The following LIFR variants were observed in gnomAD, a reference collection of about 807,000 sequenced individuals.
LIFR encodes the protein leukemia inhibitory factor receptor.
A neutral mutation model predicts 122.2 loss-of-function variants in LIFR; 84 were observed. The ratio of observed to expected loss-of-function variants is 0.69; its 90% CI spans 0.58 to 0.82. The LOEUF (loss-of-function observed/expected upper bound fraction) is 0.82. Ranked by LOEUF, LIFR falls within the 40% of genes least tolerant of loss-of-function variation. The pLI, the probability that LIFR is intolerant of heterozygous loss-of-function variation, is 0.00. For synonymous variants in LIFR, 422 were observed against 434.7 expected, an observed-to-expected ratio of 0.97 and a Z score of 0.36; for missense variants, 1,294 against 1,311.6, an observed-to-expected ratio of 0.99 and a Z score of 0.21.
intron 1 of LIFR, among the ~76,000 whole-genome samples, chr5:38,590,389 C>T (rs2112761535): frequency 6.6e-6 from 1 of 152,230 alleles, no homozygotes; most frequent in African/African-American, 2.4e-5. Flanking sequence ...TCCTTGGACC[C>T]TAGAGACCCG....
chr5:38,506,854 C>T (rs1745514590), intron 7 of LIFR, among the ~76,000 whole-genome samples: 1 of 152,122 alleles, frequency 6.6e-6, no homozygotes, highest in East Asian at 1.9e-4. Context: ...AAAAATGACT[C>T]TTAGCTCATC....
chr5:38,534,723 T>C (rs1747202697), intron 1 of LIFR, among the ~76,000 whole-genome samples: 1 of 152,076 alleles, frequency 6.6e-6, no homozygotes, highest in Non-Finnish European at 1.5e-5. Flanking sequence ...CAGAATAAAT[T>C]AGTCAAGTCA....
chr5:38,579,292 CCAA>C lies in LIFR; in HGVS notation c.-20+15966_-20+15968del, dbSNP rs1561223244. The C allele has an allele frequency of 5.8e-3, 889 of 152,168 alleles. 12 individuals carry two copies. Among genetic ancestry groups the C allele is most frequent in the African/African-American group, 0.02 (843 of 41,498 alleles). 9.4% of individuals were successfully genotyped at this position (152,168 alleles called of 1,614,324 possible). On this transcript the variant is annotated intron_variant, in intron 1 of 19. Transcript: ENST00000263409. ...CTTACCCACAGCCATGTTACATTGG[CCAA>C]AACAGGTCACGTGGCCACACTTGGG...
intron 1 of LIFR, among the ~76,000 whole-genome samples, chr5:38,585,228 G>T (rs1051304269): frequency 6.6e-6 from 1 of 152,162 alleles, no homozygotes; most frequent in East Asian, 1.9e-4. Context: ...TCTTCTAAAA[G>T]AAAAGAAGTC....
At position 38,502,707 on chromosome 5, in the gene LIFR, A is replaced by G; in HGVS notation, c.1530T>C (p.Arg510=). ...ATTTCCAGAAAGTTTCAGTAGAACAACGAATCCGAAAAGTATATAGAGTGT... is the reference window on the plus strand; with the variant it reads ...ATTTCCAGAAAGTTTCAGTAGAACAGCGAATCCGAAAAGTATATAGAGTGT... ...NPYTLYTFRI[R]CSTETFWKWS... is the part of the protein sequence containing the mutation. The change falls in exon 11 of 20, where the codon CGT becomes CGC. Residue 510 remains arginine (R), a synonymous_variant. Coordinates refer to ENST00000453190, the MANE Select transcript of LIFR (RefSeq NM_001127671.2). 6.2e-7 allele frequency: 1 copy of G among 1,612,828 alleles called. No individual in the cohort carries two copies. The highest frequency in any genetic ancestry group is 8.5e-7 in the Non-Finnish European group (1 of 1,178,864).
chr5:38,502,562 A>G (rs1406538304), intron 11 of LIFR, 75 bp downstream of exon 11: 1 of 1,320,104 alleles, frequency 7.6e-7, no homozygotes, highest in African/African-American at 1.4e-5. Flanking sequence ...CCCGGCCAAC[A>G]TCTTCTTTTT....
chr5:38,575,546 A>G (rs951470230), intron 1 of LIFR, among the ~76,000 whole-genome samples: 3 of 152,164 alleles, frequency 2.0e-5, no homozygotes, highest in African/African-American at 7.2e-5. Context: ...AAAAGAGACC[A>G]CTCTGAATTG....
At chr5:38,546,412 A>T (rs1357992862) in intron 1 of LIFR, among the ~76,000 whole-genome samples, 1 of 147,752 alleles carries the variant, frequency 6.8e-6, no homozygotes, top group Non-Finnish European at 1.5e-5. Context: ...CCATATACAT[A>T]AAAAAAACAA....
At chr5:38,494,380 C>T (rs939567371) in intron 13 of LIFR, among the ~76,000 whole-genome samples, 3 of 151,954 alleles carry the variant, frequency 2.0e-5, no homozygotes, top group Non-Finnish European at 4.4e-5. Context: ...CACCCAGAGG[C>T]GATGAGGTGG....
At chr5:38,592,293 A>T (rs994403488) in intron 1 of LIFR, among the ~76,000 whole-genome samples, 1 of 152,210 alleles carries the variant, frequency 6.6e-6, no homozygotes, top group Non-Finnish European at 1.5e-5. Context: ...TTTAAGAAAA[A>T]AAAAGAGGAA....
At position 38,489,205 on chromosome 5, in the gene LIFR, A is replaced by C; in HGVS notation, c.2208T>G (p.Ser736=). The change falls in exon 16 of 20, where the codon TCT becomes TCG. Residue 736 remains serine (S), a synonymous_variant. Coordinates refer to ENST00000453190, the MANE Select transcript of LIFR (RefSeq NM_001127671.2). ...CCCATTTTACTAATATCGAATCTGCAGAAGTATCCTCAACAGTAAAATTTG... is the reference window on the plus strand; with the variant it reads ...CCCATTTTACTAATATCGAATCTGCCGAAGTATCCTCAACAGTAAAATTTG... ...VAPNFTVEDT[S]ADSILVKWED... 6.2e-7 allele frequency: 1 copy of C among 1,613,268 alleles called. No individual in the cohort carries two copies. Among genetic ancestry groups the C allele is most frequent in the Non-Finnish European group, 8.5e-7 (1 of 1,179,642 alleles).
chr5:38,532,997 G>A (rs1017759833), intron 1 of LIFR, among the ~76,000 whole-genome samples: 4 of 152,296 alleles, frequency 2.6e-5, no homozygotes, highest in South Asian at 2.1e-4. Context: ...AGTAACAAAC[G>A]TGTTCACAGC....
At chr5:38,560,569 C>T (rs980985521), upstream of LIFR, among the ~76,000 whole-genome samples, 5 of 151,298 alleles carry the variant, frequency 3.3e-5, no homozygotes, top group Admixed American at 6.6e-5. Flanking sequence ...AACAGGATTG[C>T]ATTTTGTTTT....
At chr5:38,557,062 C>T (rs1346402421), upstream of LIFR, 1 of 152,296 alleles carries the variant, frequency 6.6e-6, no homozygotes, top group Non-Finnish European at 1.5e-5. Flanking sequence ...GTTTTCGCCG[C>T]CTCTGTAACC....
Position 38,499,252 on chromosome 5 carries a change from A to G in LIFR, c.1671+261T>C, listed in dbSNP as rs11956342. On this transcript the variant is annotated intron_variant, in intron 12 of 19. Transcript: ENST00000453190. ...GACTGAAGTGAGGGAGATGGAATTC[A>G]TGAAATCTTCAGGTCCTTTACAGGC... is the stretch of plus-strand genomic sequence containing the variant. Among the ~76,000 whole-genome samples the G allele has an allele frequency of 0.014, 2,167 of 152,294 alleles. 44 individuals carry two copies. The highest frequency in any genetic ancestry group is 0.048 in the African/African-American group (2,009 of 41,568).
At chr5:38,600,263 C>T (rs1305152143), upstream of LIFR, among the ~76,000 whole-genome samples, 1 of 152,168 alleles carries the variant, frequency 6.6e-6, no homozygotes, top group Non-Finnish European at 1.5e-5. Flanking sequence ...ATGTATGAAA[C>T]CAAGCTGTAC....
intron 1 of LIFR, among the ~76,000 whole-genome samples, chr5:38,532,334 A>C (rs1030945268): frequency 2.6e-5 from 4 of 152,194 alleles, no homozygotes; most frequent in African/African-American, 9.7e-5. Context: ...GGTATGGCTG[A>C]GGGTAAATCA....
chr5:38,518,106 C>T (rs1258117477), intron 5 of LIFR, among the ~76,000 whole-genome samples: 2 of 151,300 alleles, frequency 1.3e-5, no homozygotes, highest in Admixed American at 1.3e-4. Flanking sequence ...AGAGCAGAAC[C>T]CTATCTCTAA....
At chr5:38,566,986 C>T (rs573964560) in intron 1 of LIFR, among the ~76,000 whole-genome samples, 1 of 152,306 alleles carries the variant, frequency 6.6e-6, no homozygotes, top group South Asian at 2.1e-4. Flanking sequence ...GGAAGAGAGG[C>T]ACATCATCAG....
Sources: gnomAD v4.1 joint callset for allele counts (sites outside exome capture counted in the v4.1 genomes callset) on GRCh38, gnomAD v4.1.1 for gene constraint, MANE v1.5 for transcripts, NCBI Gene and HGNC (gene_info 2026-07-23, HGNC 2026-07-21) for gene names.